The following SAMM50 variants were observed in gnomAD, a reference collection of about 807,000 sequenced individuals.
The protein encoded by SAMM50 is sorting and assembly machinery component 50 homolog.
Under a neutral mutation model 66.9 loss-of-function variants are expected in SAMM50, and 47 were observed. The observed-to-expected ratio is 0.70, with a 90% confidence interval of 0.56 to 0.90. SAMM50 has a LOEUF of 0.90. Ranked by LOEUF, SAMM50 falls within the 40% of genes least tolerant of loss-of-function variation. The probability of loss-of-function intolerance (pLI) is 0.00; values close to 1 mark genes in which losing one functional copy is unlikely to be tolerated. For missense variants in SAMM50, 535 were observed against 595.3 expected (o/e 0.90, Z 1.05); for synonymous variants, 191 against 214.1 (o/e 0.89, Z 0.94).
At chr22:43,981,883 G>T (rs2050266658) in intron 11 of SAMM50, among the ~76,000 whole-genome samples, 1 of 152,066 alleles carries the variant, frequency 6.6e-6, no homozygotes, top group Admixed American at 6.5e-5. Flanking sequence ...TATTTCATTG[G>T]TTTCTAATTT....
At chr22:43,980,143 T>C (rs1324195929) in intron 10 of SAMM50, among the ~76,000 whole-genome samples, 3 of 12,512 alleles carry the variant, frequency 2.4e-4, no homozygotes, top group African/African-American at 1.4e-3. Context: ...CACACATCCA[T>C]CCATCCATCC....
At chr22:43,967,388 T>C (rs2050178837) in intron 3 of SAMM50, among the ~76,000 whole-genome samples, 1 of 152,238 alleles carries the variant, frequency 6.6e-6, no homozygotes, top group South Asian at 2.1e-4. Flanking sequence ...TCCTGACTTC[T>C]CTAATGGTGT....
chr22:43,991,007 C>G (rs2050321723), intron 14 of SAMM50, among the ~76,000 whole-genome samples: 1 of 148,764 alleles, frequency 6.7e-6, no homozygotes, highest in African/African-American at 2.5e-5. Context: ...GACAGACTCT[C>G]ATTCTGTCGC....
chr22:43,995,443 G>C (rs757628922), intron 14 of SAMM50: 1 of 152,284 alleles, frequency 6.6e-6, no homozygotes, highest in Admixed American at 6.5e-5. Flanking sequence ...CCCTGGCCCC[G>C]GCTGCGGCTG....
rs1177556765 is a variant in SAMM50 at position 43,986,031 on chromosome 22, TTTTC to T, written c.1075+2043_1075+2046del. ...TGTAAGTTTTATTTATTTATTTATT[TTTTC>T]TTTCTTTCTTTTTTTTTTTTTTTTT... is the stretch of plus-strand genomic sequence containing the variant. On this transcript the variant is annotated intron_variant, in intron 12 of 14. Coordinates refer to ENST00000350028, the MANE Select transcript of SAMM50 (RefSeq NM_015380.5). Among the ~76,000 whole-genome samples, 191 of 131,128 alleles carry T rather than the reference TTTTC, an allele frequency of 1.5e-3. 2 individuals carry two copies. The highest frequency in any genetic ancestry group is 2.6e-4 in the Non-Finnish European group (17 of 64,866). The allele number at this position is 131,128 out of a possible 152,430, so 86.0% of individuals were successfully genotyped here.
At chr22:43,986,375 T>C (rs1228734029) in intron 12 of SAMM50, 1 of 152,032 alleles carries the variant, frequency 6.6e-6, no homozygotes, top group East Asian at 1.9e-4. Flanking sequence ...AGATGTGAAA[T>C]CGCCAGATCT....
intron 5 of SAMM50, 60 bp downstream of exon 5, chr22:43,972,402 A>G (rs2050208509): frequency 2.1e-6 from 2 of 939,484 alleles, no homozygotes; most frequent in Non-Finnish European, 3.2e-6. Context: ...CTTTTACACT[A>G]TGACTGCATT....
intron 5 of SAMM50, 56 bp downstream of exon 5, chr22:43,972,398 C>T (rs2050208469): frequency 1.0e-6 from 1 of 988,358 alleles, no homozygotes; most frequent in East Asian, 2.6e-5. Flanking sequence ...GGAACTTTTA[C>T]ACTATGACTG....
chr22:43,963,441 A>G, intron 2 of SAMM50, 45 bp downstream of exon 2: 1 of 1,168,356 alleles, frequency 8.6e-7, no homozygotes, highest in Non-Finnish European at 1.3e-6. Flanking sequence ...TAGTGGAAAC[A>G]TTCACTTCCA....
In SAMM50 at chr22:43,971,960, A is replaced by G. The variant is rs2050205919; in HGVS notation, c.323-276A>G. 6.6e-6 allele frequency among the ~76,000 whole-genome samples: 1 copy of G among 152,104 alleles called. No homozygotes were observed. Among genetic ancestry groups the G allele is most frequent in the South Asian group, 2.1e-4 (1 of 4,818 alleles). On this transcript the variant is annotated intron_variant, in intron 4 of 14. Transcript: ENST00000350028. ...GTGATCCTCCCACCTTGTCCTCCCA[A>G]AGCACTGTGATTACAGGCCTGAGTC...
intron 12 of SAMM50, among the ~76,000 whole-genome samples, chr22:43,984,831 T>TCC (rs2050283917): frequency 1.4e-5 from 2 of 143,236 alleles, no homozygotes; most frequent in African/African-American, 5.2e-5. Flanking sequence ...GGGGTTTCAT[T>TCC]ATGTTGGCCA....
chr22:43,980,554 G>A (rs1395737355), intron 10 of SAMM50, among the ~76,000 whole-genome samples: 1 of 151,922 alleles, frequency 6.6e-6, no homozygotes, highest in Non-Finnish European at 1.5e-5. Flanking sequence ...GGAGGGCCTT[G>A]GAGGCCGGAT....
At chr22:43,984,082 G>A (rs1193505531) in intron 12 of SAMM50, 82 bp downstream of exon 12, 1 of 1,187,202 alleles carries the variant, frequency 8.4e-7, no homozygotes, top group Non-Finnish European at 1.2e-6. Flanking sequence ...TTAGCTTACA[G>A]CGATAATAGA....
At position 43,983,971 on chromosome 22, in the gene SAMM50, G is replaced by A. The variant is rs772594585; in HGVS notation, c.1046G>A (p.Ser349Asn). Residue 349 changes from serine (S) to asparagine (N), a missense_variant, in exon 12 of 15, where the codon AGC (serine) becomes AAC (asparagine). Transcript: ENST00000350028. The surrounding 1 kb of genome is among the most constrained non-coding windows in gnomAD (Gnocchi z 4.2). ...GGACCCACAAGCATCCGCGGATTCA[G>A]CATGCACAGCATCGGGCCACAGAGC... ...LGGPTSIRGF[S>N]MHSIGPQSEG... 4 of 1,611,594 alleles carry A rather than the reference G, an allele frequency of 2.5e-6. No homozygotes were observed. The Admixed American group carries it at 5.0e-5, about 20-fold the overall frequency.
chr22:43,974,877 C>G (rs1183559061), intron 7 of SAMM50: 1 of 152,102 alleles, frequency 6.6e-6, no homozygotes, highest in Non-Finnish European at 1.5e-5. Flanking sequence ...GTAGAAATAC[C>G]TTATTTTTTC....
chr22:43,995,834 C>T (rs1184114097), intron 14 of SAMM50, among the ~76,000 whole-genome samples: 23 of 152,256 alleles, frequency 1.5e-4, no homozygotes, highest in Non-Finnish European at 2.8e-4. Context: ...TGCATCCTTC[C>T]TTCCTGGGGT....
intron 4 of SAMM50, among the ~76,000 whole-genome samples, chr22:43,971,112 G>A (rs2050201419): frequency 6.6e-6 from 1 of 152,194 alleles, no homozygotes; most frequent in Non-Finnish European, 1.5e-5. Flanking sequence ...AGGTTGTGGT[G>A]AGCTGAGATC....
chr22:43,996,495 G>C lies in SAMM50; in HGVS notation c.*112G>C, dbSNP rs1270693652. 7 of 993,760 alleles carry C rather than the reference G, an allele frequency of 7.0e-6. No individual in the cohort carries two copies. Among genetic ancestry groups the C allele is most frequent in the Non-Finnish European group, 1.1e-5 (7 of 619,304 alleles). 61.6% of individuals were successfully genotyped at this position (993,760 alleles called of 1,614,324 possible). ...GCGATTCTTTGACTGCGGACCCTGT[G>C]GGAAACCCCGTCAATAAATGTTAAA... On this transcript the variant is annotated 3_prime_UTR_variant, in exon 15 of 15. Transcript: ENST00000350028.
At chr22:43,978,883 G>T (rs114401765) in intron 10 of SAMM50, among the ~76,000 whole-genome samples, 2,247 of 152,254 alleles carry the variant, frequency 0.015, 63 homozygotes, top group African/African-American at 0.052. Context: ...TGGTGCATGC[G>T]ACTGTTTCTA....
Sources: allele counts gnomAD v4.1 joint callset (sites outside exome capture counted in the v4.1 genomes callset), GRCh38; gene constraint gnomAD v4.1.1; non-coding constraint Gnocchi (gnomAD v3.1); transcripts MANE v1.5; gene names NCBI Gene and HGNC (gene_info 2026-07-23, HGNC 2026-07-21).